Variants in ESRRG observed in about 807,000 individuals in gnomAD.
ESRRG encodes estrogen related receptor gamma.
ESRRG carries 13 observed loss-of-function variants against 44.0 expected under a neutral mutation model. The ratio of observed to expected loss-of-function variants is 0.30; its 90% CI spans 0.19 to 0.47. The LOEUF (loss-of-function observed/expected upper bound fraction) is 0.47, where lower values mean the gene tolerates loss of function less well. ESRRG is among the 20% of genes least tolerant of loss of function. The pLI is 1.00. For missense variants in ESRRG, 395 were observed against 580.6 expected, an observed-to-expected ratio of 0.68 and a Z score of 3.29; for synonymous variants, 215 against 214.6, an observed-to-expected ratio of 1.00 and a Z score of -0.02.
chr1:217,065,066 G>A (rs1385494104), intron 1 of ESRRG, among the ~76,000 whole-genome samples: 2 of 152,162 alleles, frequency 1.3e-5, no homozygotes, highest in Non-Finnish European at 2.9e-5. Flanking sequence ...GGGAAGCCCT[G>A]TTATATTAAG....
At chr1:216,547,570 G>T (rs2054941731) in intron 5 of ESRRG, among the ~76,000 whole-genome samples, 1 of 152,026 alleles carries the variant, frequency 6.6e-6, no homozygotes, top group Admixed American at 6.6e-5. Context: ...CCCTGTCAAT[G>T]GTGCAAGCGT....
intron 2 of ESRRG, among the ~76,000 whole-genome samples, chr1:216,743,607 G>A (rs1201939715): frequency 1.3e-5 from 2 of 152,116 alleles, no homozygotes; most frequent in Non-Finnish European, 2.9e-5. Flanking sequence ...TTTCTAGCAA[G>A]CTGTTAGCCA....
rs369887947 is a variant in ESRRG, at chr1:217,081,447, G to A, written c.-106+8060C>T. Among the ~76,000 whole-genome samples the A allele has an allele frequency of 2.0e-5, 3 of 151,772 alleles. No individual in the cohort carries two copies. The South Asian group carries it at 6.3e-4, about 32-fold the overall frequency. On this transcript the variant is annotated intron_variant, in intron 1 of 7. Transcript: ENST00000359162. ...TCTCCACGTTGGTCAGGCTGGTCTC[G>A]AACTCCCGACCTCAGGTGATTTGCC...
chr1:216,533,395 C>T (rs2149150378), intron 5 of ESRRG, among the ~76,000 whole-genome samples: 2 of 152,152 alleles, frequency 1.3e-5, no homozygotes, highest in East Asian at 3.9e-4. Context: ...ATTTTAATGC[C>T]TCAAGATATG....
chr1:216,590,377 T>A (rs1323064660), intron 3 of ESRRG, among the ~76,000 whole-genome samples: 1 of 152,098 alleles, frequency 6.6e-6, no homozygotes, highest in African/African-American at 2.4e-5. Flanking sequence ...CACTCTAGAG[T>A]GCTTTACACT....
intron 1 of ESRRG, among the ~76,000 whole-genome samples, chr1:217,078,968 GT>G (rs1302745980): frequency 2.0e-5 from 3 of 152,200 alleles, no homozygotes; most frequent in African/African-American, 7.2e-5. Flanking sequence ...ACCAACTGTT[GT>G]AATGAGCTAT....
chr1:216,537,579 C>G (rs1016200210), intron 5 of ESRRG, among the ~76,000 whole-genome samples: 3 of 152,006 alleles, frequency 2.0e-5, no homozygotes, highest in Non-Finnish European at 4.4e-5. Flanking sequence ...AGGCATGTCA[C>G]AAAGGCTTTG....
At chr1:217,100,967 C>T (rs950217576) in intron 1 of ESRRG, among the ~76,000 whole-genome samples, 1 of 152,216 alleles carries the variant, frequency 6.6e-6, no homozygotes, top group Admixed American at 6.5e-5. Context: ...AAGCCTGAAC[C>T]TCTAACATCT....
intron 2 of ESRRG, among the ~76,000 whole-genome samples, chr1:216,861,082 A>G (rs1195327255): frequency 1.3e-5 from 2 of 152,094 alleles, no homozygotes; most frequent in Admixed American, 1.3e-4. Flanking sequence ...CTAAAATAAT[A>G]AAGCAAAGAG....
Position 216,837,930 on chromosome 1 carries a change from C to T in ESRRG, c.-14+101652G>A, listed in dbSNP as rs533151201. Among the ~76,000 whole-genome samples the T allele has an allele frequency of 2.0e-5, 3 of 152,246 alleles. No individual in the cohort carries two copies. The East Asian group carries it at 5.8e-4, about 29-fold the overall frequency. The stretch of plus-strand genomic sequence containing the variant: ...TTGTTGTTCCAATAGAGAGAGTAGA[C>T]TTAGGGTGGCATGCAGCTACAAGCC... On this transcript the variant is annotated intron_variant, in intron 2 of 7. Transcript: ENST00000359162.
At chr1:216,735,398 G>A (rs542825797) in intron 2 of ESRRG, among the ~76,000 whole-genome samples, 4 of 151,602 alleles carry the variant, frequency 2.6e-5, no homozygotes, top group Admixed American at 1.3e-4. Context: ...TGTAGAGATA[G>A]GGTCTTGTTT....
intron 2 of ESRRG, among the ~76,000 whole-genome samples, chr1:216,781,693 C>A (rs551889263): frequency 6.9e-4 from 105 of 152,158 alleles, no homozygotes; most frequent in African/African-American, 2.4e-3. Context: ...GTCCTCTCTT[C>A]ACTTCTGTCT....
At chr1:216,846,445 T>C (rs949073767) in intron 2 of ESRRG, among the ~76,000 whole-genome samples, 1 of 152,176 alleles carries the variant, frequency 6.6e-6, no homozygotes, top group African/African-American at 2.4e-5. Flanking sequence ...ATGAGCCATA[T>C]GGTCTCTGTT....
At chr1:216,814,022 A>G (rs541517322) in intron 2 of ESRRG, among the ~76,000 whole-genome samples, 2 of 152,090 alleles carry the variant, frequency 1.3e-5, no homozygotes, top group Admixed American at 6.5e-5. Context: ...CAGCACCACT[A>G]ATATCCCAGG....
At chr1:216,649,238 C>CT (rs1220441733) in intron 3 of ESRRG, among the ~76,000 whole-genome samples, 10 of 152,090 alleles carry the variant, frequency 6.6e-5, no homozygotes, top group African/African-American at 2.4e-4. Flanking sequence ...GGAATAGTGC[C>CT]TGGAACATGG....
At chr1:217,039,352 T>A (rs973218543) in intron 1 of ESRRG, among the ~76,000 whole-genome samples, 1 of 152,202 alleles carries the variant, frequency 6.6e-6, no homozygotes, top group South Asian at 2.1e-4. Flanking sequence ...CTGATAAATA[T>A]GTACCCGAGA....
chr1:216,545,263 A>G (rs148949387), intron 5 of ESRRG, among the ~76,000 whole-genome samples: 1 of 149,352 alleles, frequency 6.7e-6, no homozygotes, highest in Non-Finnish European at 1.5e-5. Context: ...GGATCTCACT[A>G]TGTTGTCCAG....
chr1:216,738,325 G>T (rs935686360), intron 2 of ESRRG, among the ~76,000 whole-genome samples: 2 of 152,048 alleles, frequency 1.3e-5, no homozygotes, highest in African/African-American at 4.8e-5. Context: ...AATTTCCAGG[G>T]ATCCATCAGT....
At chr1:216,677,624 C>A in intron 1 of ESRRG, 133 bp from the exon 2 acceptor site, 1 of 768,086 alleles carries the variant, frequency 1.3e-6, no homozygotes, top group Non-Finnish European at 2.0e-6. Context: ...AGGAAAAAAA[C>A]AGAATTCATA....
Sources: gnomAD v4.1 joint callset for allele counts (sites outside exome capture counted in the v4.1 genomes callset) on GRCh38, gnomAD v4.1.1 for gene constraint, MANE v1.5 for transcripts, NCBI Gene and HGNC (gene_info 2026-07-23, HGNC 2026-07-21) for gene names.